EXT1: variants seen among roughly 807,000 people sequenced by gnomAD.
EXT1 encodes the protein exostosin-1.
Under a neutral mutation model 82.5 loss-of-function variants are expected in EXT1, and 20 were observed. That is an observed-to-expected ratio of 0.24 (90% confidence interval 0.17 to 0.35). The LOEUF (loss-of-function observed/expected upper bound fraction) is 0.35, where lower values mean the gene tolerates loss of function less well. Ranked by LOEUF, EXT1 falls within the 10% of genes least tolerant of loss-of-function variation. The pLI, the probability that EXT1 is intolerant of heterozygous loss-of-function variation, is 1.00. For synonymous variants in EXT1, 348 were observed against 350.8 expected (o/e 0.99, Z 0.09); for missense variants, 757 against 936.5 (o/e 0.81, Z 2.50).
chr8:117,812,283 C>A (rs1823338665), intron 8 of EXT1, among the ~76,000 whole-genome samples: 2 of 152,150 alleles, frequency 1.3e-5, no homozygotes, highest in South Asian at 4.1e-4. Flanking sequence ...CTCTCTCTCT[C>A]CTCCACGCGC....
rs1823105558 is a variant in EXT1 at position 117,797,691 on chromosome 8, G to A, written c.*2021C>T. On this transcript the variant is annotated 3_prime_UTR_variant, in exon 11 of 11. Transcript: ENST00000378204. ...ACTTGCTGAGAAGTGCAGCTTAAATGACATGAAACCTGTAAGACCAAACAT... is the reference window on the plus strand; with the variant it reads ...ACTTGCTGAGAAGTGCAGCTTAAATAACATGAAACCTGTAAGACCAAACAT... The A allele has an allele frequency of 6.6e-6, 1 of 152,182 alleles. No homozygotes were observed. Among genetic ancestry groups the A allele is most frequent in the African/African-American group, 2.4e-5 (1 of 41,444 alleles). The allele number at this position is 152,182 out of a possible 1,614,324, so 9.4% of individuals were successfully genotyped here.
At chr8:117,905,186 G>A (rs1008537400) in intron 1 of EXT1, among the ~76,000 whole-genome samples, 1 of 152,146 alleles carries the variant, frequency 6.6e-6, no homozygotes, top group African/African-American at 2.4e-5. Context: ...TTCCAAGTGG[G>A]AGAGACCTAG....
chr8:117,807,041 C>T (rs1668759180), intron 9 of EXT1, among the ~76,000 whole-genome samples, 176 bp downstream of exon 9: 1 of 152,114 alleles, frequency 6.6e-6, no homozygotes, highest in African/African-American at 2.4e-5. Flanking sequence ...TGAAACATGC[C>T]AAGAGGTTTC....
At chr8:118,079,060 C>T (rs925824454) in intron 1 of EXT1, among the ~76,000 whole-genome samples, 3 of 152,144 alleles carry the variant, frequency 2.0e-5, no homozygotes, top group Non-Finnish European at 2.9e-5. Flanking sequence ...ACTAAAAATA[C>T]GTCCCTCATA....
intron 1 of EXT1, among the ~76,000 whole-genome samples, chr8:117,988,417 G>A (rs1456052285): frequency 1.3e-5 from 2 of 152,156 alleles, no homozygotes; most frequent in African/African-American, 4.8e-5. Flanking sequence ...GTGATTCTGA[G>A]TAGGTCTAGA....
intron 1 of EXT1, among the ~76,000 whole-genome samples, chr8:118,019,920 T>A (rs987706802): frequency 1.3e-5 from 2 of 152,194 alleles, no homozygotes; most frequent in African/African-American, 4.8e-5. Context: ...GAGGAATGCT[T>A]CTTTCATAGT....
intron 1 of EXT1, among the ~76,000 whole-genome samples, chr8:118,070,260 GTGTGTGTGTGTGTGTGCATAT>G: frequency 6.6e-6 from 1 of 150,624 alleles, no homozygotes; most frequent in African/African-American, 2.5e-5. Flanking sequence ...GTGTGTGTGT[GTGTGTGTGTGTGTGTGCATAT>G]CATAAGTGAA....
At chr8:117,981,903 G>T (rs1815211978) in intron 1 of EXT1, among the ~76,000 whole-genome samples, 2 of 151,872 alleles carry the variant, frequency 1.3e-5, no homozygotes, top group African/African-American at 4.8e-5. Flanking sequence ...AAAGAAAGGA[G>T]GGAGAGAAGG....
At chr8:118,021,252 T>C (rs1816098685) in intron 1 of EXT1, among the ~76,000 whole-genome samples, 1 of 152,214 alleles carries the variant, frequency 6.6e-6, no homozygotes, top group South Asian at 2.1e-4. Flanking sequence ...TGATCATGTA[T>C]TACAAAGGTT....
rs758245432 is a variant in EXT1, at chr8:117,835,459, C to G, written c.1149G>C (p.Glu383Asp). 4 of 1,613,916 alleles carry G rather than the reference C, an allele frequency of 2.5e-6. No individual in the cohort carries two copies. Among genetic ancestry groups the G allele is most frequent in the Non-Finnish European group, 3.4e-6 (4 of 1,179,786 alleles). Reference protein sequence around the residue: ...NWNQAAVIGDERLLLQIPSTI... With the variant: ...NWNQAAVIGDDRLLLQIPSTI... ...CCTTCCTTACCTGTAATAACAATCT[C>G]TCATCGCCTATGACGGCAGCTTGGT... Residue 383 changes from glutamate (E) to aspartate (D), a missense_variant, in exon 3 of 11, where the codon GAG becomes GAC. This residue lies in a region of EXT1 where 247 missense variants were observed against 330.1 expected (regional missense o/e 0.75). Coordinates refer to ENST00000378204, the MANE Select transcript of EXT1 (RefSeq NM_000127.3).
In EXT1 at chr8:118,111,702, G is replaced by A; in HGVS notation, c.-656C>T. 1 of 158,218 alleles carries A rather than the reference G, an allele frequency of 6.3e-6. No individual in the cohort carries two copies. Among genetic ancestry groups the A allele is most frequent in the East Asian group, 1.7e-4 (1 of 6,052 alleles). 9.8% of individuals were successfully genotyped at this position (158,218 alleles called of 1,614,324 possible). A position where few individuals can be genotyped will look rare whatever the true frequency, so the allele number is the denominator to read the frequency against. On this transcript the variant is annotated 5_prime_UTR_variant, in exon 1 of 11. Coordinates refer to ENST00000378204, the MANE Select transcript of EXT1 (RefSeq NM_000127.3). ...ACGCGCGGCGGCCCGGCTGGAGGCG[G>A]CGGCGGCGGCGGCGCTGGGTGGCGG...
intron 1 of EXT1, among the ~76,000 whole-genome samples, chr8:118,091,456 C>T (rs886572399): frequency 1.3e-5 from 2 of 152,108 alleles, no homozygotes; most frequent in Admixed American, 6.5e-5. Flanking sequence ...ATAAATAAGT[C>T]GGCCGGGCGC....
chr8:117,827,783 T>TAAAAAAAAAAAAA (rs1812030162), intron 4 of EXT1, among the ~76,000 whole-genome samples: 1 of 38,978 alleles, frequency 2.6e-5, no homozygotes, highest in African/African-American at 1.6e-4. Context: ...AGACTCTGTC[T>TAAAAAAAAAAAAA]CAAAAAAAAA....
rs1241181029 is a variant in EXT1 at position 118,111,533 on chromosome 8, C to A, written c.-487G>T. On this transcript the variant is annotated 5_prime_UTR_variant, in exon 1 of 11. Transcript: ENST00000378204. ...AGCACTCCGGTTCCAACAAGTCAGC[C>A]GATCCCGGGTTCAGCCGGCTAGTGC... 2.2e-6 allele frequency: 1 copy of A among 444,574 alleles called. No individual in the cohort carries two copies. Among genetic ancestry groups the A allele is most frequent in the African/African-American group, 2.0e-5 (1 of 49,814 alleles). The allele number at this position is 444,574 out of a possible 1,614,324, so 27.5% of individuals were successfully genotyped here.
At position 117,867,260 on chromosome 8, in the gene EXT1, G is replaced by GAAAAAAAAAAAAAAAAAAAAAAAAA. The variant is rs372575361; in HGVS notation, c.963-30060_963-30059insTTTTTTTTTTTTTTTTTTTTTTTTT. Among the ~76,000 whole-genome samples the GAAAAAAAAAAAAAAAAAAAAAAAAA allele has an allele frequency of 4.2e-4, 42 of 98,886 alleles. 2 individuals are homozygous for GAAAAAAAAAAAAAAAAAAAAAAAAA. Among genetic ancestry groups the GAAAAAAAAAAAAAAAAAAAAAAAAA allele is most frequent in the African/African-American group, 1.6e-3 (40 of 24,746 alleles). 64.9% of individuals were successfully genotyped at this position (98,886 alleles called of 152,430 possible). ...GGCGACAGAGTGAGACTCCACCTCA[G>GAAAAAAAAAAAAAAAAAAAAAAAAA]AAAAAAAAAAAAAGCTTGAGGAAAT... On this transcript the variant is annotated intron_variant, in intron 1 of 10. Transcript: ENST00000378204.
chr8:117,959,935 C>T (rs1218773966), intron 1 of EXT1, among the ~76,000 whole-genome samples: 1 of 152,158 alleles, frequency 6.6e-6, no homozygotes, highest in African/African-American at 2.4e-5. Context: ...ATACCCAGGC[C>T]GGTCATGGTT....
chr8:118,070,805 T>C (rs115285741), intron 1 of EXT1, among the ~76,000 whole-genome samples: 165 of 152,294 alleles, frequency 1.1e-3, no homozygotes, highest in African/African-American at 3.7e-3. Flanking sequence ...GGAAGCTATG[T>C]GTAACTGTTC....
chr8:117,924,220 GA>G lies in EXT1; in HGVS notation c.963-87020del, dbSNP rs201034442. Among the ~76,000 whole-genome samples the G allele has an allele frequency of 1.6e-3, 244 of 152,272 alleles. 5 individuals are homozygous for G. The East Asian group carries it at 0.04, about 25-fold the overall frequency. ...CCACTGTACTAGGGAAATATTTACTGACTGCCCACCATATGTATGGTGCTGG... is the reference window on the plus strand; with the variant it reads ...CCACTGTACTAGGGAAATATTTACTGCTGCCCACCATATGTATGGTGCTGG... On this transcript the variant is annotated intron_variant, in intron 1 of 10. Coordinates refer to ENST00000378204, the MANE Select transcript of EXT1 (RefSeq NM_000127.3).
intron 1 of EXT1, among the ~76,000 whole-genome samples, chr8:118,024,506 G>A (rs1816168396): frequency 6.8e-6 from 1 of 147,390 alleles, no homozygotes; most frequent in African/African-American, 2.6e-5. Context: ...ACAGACTCTA[G>A]GGATAAAACA....
Sources: gnomAD v4.1 joint callset for allele counts (sites outside exome capture counted in the v4.1 genomes callset) on GRCh38, gnomAD v4.1.1 for gene constraint, gnomAD v4.1.1 regional missense constraint, MANE v1.5 for transcripts, NCBI Gene and HGNC (gene_info 2026-07-23, HGNC 2026-07-21) for gene names.